RABL3: variants seen among roughly 807,000 people sequenced by gnomAD.
The protein encoded by RABL3 is rab-like protein 3.
A neutral mutation model predicts 31.8 loss-of-function variants in RABL3; 31 were observed. That is an observed-to-expected ratio of 0.97 (90% confidence interval 0.73 to 1.31). RABL3 has a LOEUF of 1.31. Ranked by LOEUF, RABL3 falls within the 40% of genes most tolerant of loss-of-function variation. The probability of loss-of-function intolerance (pLI) is 0.00; values close to 1 mark genes in which losing one functional copy is unlikely to be tolerated. For synonymous variants in RABL3, 97 were observed against 99.9 expected, an observed-to-expected ratio of 0.97 and a Z score of 0.18; for missense variants, 263 against 279.6, an observed-to-expected ratio of 0.94 and a Z score of 0.42.
chr3:120,698,237 T>C (rs1455570153), intron 5 of RABL3, among the ~76,000 whole-genome samples, 186 bp downstream of exon 5: 1 of 152,234 alleles, frequency 6.6e-6, no homozygotes, highest in Non-Finnish European at 1.5e-5. Flanking sequence ...CATAAAAGGC[T>C]GAAGTGACTG....
intron 1 of RABL3, among the ~76,000 whole-genome samples, chr3:120,740,421 C>T (rs1028018340): frequency 6.6e-5 from 10 of 152,076 alleles, no homozygotes; most frequent in East Asian, 1.9e-4. Flanking sequence ...CCACCATGCC[C>T]GGCTAACTTT....
chr3:120,727,589 C>T (rs1201711477), intron 2 of RABL3, among the ~76,000 whole-genome samples: 1 of 151,902 alleles, frequency 6.6e-6, no homozygotes, highest in Non-Finnish European at 1.5e-5. Flanking sequence ...TACTTCCCAA[C>T]TTATTTTATA....
intron 2 of RABL3, among the ~76,000 whole-genome samples, chr3:120,725,240 C>A (rs1352335550): frequency 6.6e-6 from 1 of 152,176 alleles, no homozygotes; most frequent in Non-Finnish European, 1.5e-5. Context: ...ATCAAAACCA[C>A]ATTGAGATAC....
chr3:120,718,101 T>C (rs962306256), intron 2 of RABL3, among the ~76,000 whole-genome samples: 7 of 152,188 alleles, frequency 4.6e-5, no homozygotes, highest in African/African-American at 1.7e-4. Flanking sequence ...AATTGTTTCC[T>C]TCTCCAAATA....
chr3:120,736,531 C>CA (rs1340375669), intron 1 of RABL3, among the ~76,000 whole-genome samples: 4 of 152,136 alleles, frequency 2.6e-5, no homozygotes. Context: ...AGCCCACTTA[C>CA]ATTTAAGGTT....
At chr3:120,733,022 T>G (rs1420093760) in intron 1 of RABL3, among the ~76,000 whole-genome samples, 1 of 152,206 alleles carries the variant, frequency 6.6e-6, no homozygotes, top group African/African-American at 2.4e-5. Context: ...GCAGTAAACA[T>G]ACGTGTGCAT....
intron 6 of RABL3, 65 bp downstream of exon 6, chr3:120,694,088 A>C: frequency 9.4e-7 from 1 of 1,067,326 alleles, no homozygotes; most frequent in Admixed American, 2.1e-5. Flanking sequence ...AGGATTCTAC[A>C]AAAAAATTTT....
chr3:120,730,977 AGAATCACCCG>A (rs1447280619), intron 1 of RABL3, among the ~76,000 whole-genome samples, 190 bp from the exon 2 acceptor site: 3 of 152,246 alleles, frequency 2.0e-5, no homozygotes, highest in Non-Finnish European at 4.4e-5. Flanking sequence ...AATTTGCATC[AGAATCACCCG>A]GAGGGTGAGT....
At chr3:120,733,123 T>C (rs956083974) in intron 1 of RABL3, among the ~76,000 whole-genome samples, 1 of 152,218 alleles carries the variant, frequency 6.6e-6, no homozygotes, top group Admixed American at 6.5e-5. Flanking sequence ...CTCTAGATCC[T>C]TGAGAAATCG....
At chr3:120,733,452 G>T (rs1167359672) in intron 1 of RABL3, among the ~76,000 whole-genome samples, 4 of 152,076 alleles carry the variant, frequency 2.6e-5, no homozygotes, top group Non-Finnish European at 4.4e-5. Flanking sequence ...GTAGATTCTG[G>T]ATATTAGCCC....
At position 120,685,158 on chromosome 3, in the gene RABL3, G is replaced by A. The variant is rs1708295109; in HGVS notation, c.*4665C>T. Among the ~76,000 whole-genome samples the A allele has an allele frequency of 1.3e-5, 2 of 152,188 alleles. No homozygotes were observed. Among genetic ancestry groups the A allele is most frequent in the South Asian group, 2.1e-4 (1 of 4,822 alleles). ...CTGAGCCAAGTCCCATAGAGTAAGAGTTGGATAGAAAGTGGAAAACATTAC... is the reference window on the plus strand; with the variant it reads ...CTGAGCCAAGTCCCATAGAGTAAGAATTGGATAGAAAGTGGAAAACATTAC... On this transcript the variant is annotated 3_prime_UTR_variant, in exon 8 of 8. Transcript: ENST00000273375.
At chr3:120,736,072 G>C (rs913881203) in intron 1 of RABL3, among the ~76,000 whole-genome samples, 2 of 152,210 alleles carry the variant, frequency 1.3e-5, no homozygotes, top group South Asian at 2.1e-4. Context: ...GCTTGGTGCA[G>C]AGGTGAGTTC....
chr3:120,740,823 C>T (rs1024112144), intron 1 of RABL3, among the ~76,000 whole-genome samples: 3 of 152,172 alleles, frequency 2.0e-5, no homozygotes, highest in African/African-American at 7.2e-5. Context: ...ACTTTCCTGG[C>T]CATCACAGCT....
chr3:120,718,433 T>C (rs1449785223), intron 2 of RABL3, among the ~76,000 whole-genome samples: 1 of 152,234 alleles, frequency 6.6e-6, no homozygotes, highest in African/African-American at 2.4e-5. Flanking sequence ...ATGTACTAGC[T>C]TCCTATTAGC....
intron 2 of RABL3, among the ~76,000 whole-genome samples, chr3:120,717,506 T>G (rs1708685281): frequency 6.6e-6 from 1 of 152,136 alleles, no homozygotes; most frequent in Non-Finnish European, 1.5e-5. Flanking sequence ...TCTCGCTCTG[T>G]TGCCCAGGCT....
intron 1 of RABL3, among the ~76,000 whole-genome samples, chr3:120,742,174 T>A (rs78583830): frequency 0.021 from 3,131 of 150,774 alleles, 50 homozygotes; most frequent in Middle Eastern, 0.048. Context: ...TTTTTTTTTT[T>A]AATAAAAGAA....
rs1414719610 is a variant in RABL3, at chr3:120,725,012, C to T, written c.138+5684G>A. On this transcript the variant is annotated intron_variant, in intron 2 of 7. Transcript: ENST00000273375. The stretch of plus-strand genomic sequence containing the variant: ...AGAAACTACCATCAGAGTGAACAGG[C>T]AACCTACAGAATGGGAGAAAATGTT... 4.6e-5 allele frequency among the ~76,000 whole-genome samples: 7 copies of T among 152,106 alleles called. No homozygotes were observed. The East Asian group carries it at 1.2e-3, about 25-fold the overall frequency.
At position 120,709,897 on chromosome 3, in the gene RABL3, T is replaced by C. The variant is rs1236618080; in HGVS notation, c.151A>G (p.Lys51Glu). The change falls in exon 3 of 8, where the codon AAA becomes GAA. Residue 51 changes from lysine (K) to glutamate (E), a missense_variant. Coordinates refer to ENST00000273375, the MANE Select transcript of RABL3 (RefSeq NM_173825.5). ...GTCTTCTCTTCTGGGGTTCCTTCTT[T>C]GTAATCATGAACCTAACAAATCAAT... ...CSVDVRVHDY[K>E]EGTPEEKTYY... The C allele has an allele frequency of 2.5e-6, 4 of 1,598,854 alleles. No homozygotes were observed. The African/African-American group carries it at 4.0e-5, about 16-fold the overall frequency.
At chr3:120,711,927 C>T (rs1174696490) in intron 2 of RABL3, among the ~76,000 whole-genome samples, 3 of 152,100 alleles carry the variant, frequency 2.0e-5, no homozygotes, top group Non-Finnish European at 2.9e-5. Flanking sequence ...TCCTTGATTG[C>T]CACTGATCGT....
Sources: gnomAD v4.1 joint callset for allele counts (sites outside exome capture counted in the v4.1 genomes callset) on GRCh38, gnomAD v4.1.1 for gene constraint, MANE v1.5 for transcripts, NCBI Gene and HGNC (gene_info 2026-07-23, HGNC 2026-07-21) for gene names.